OR51B5: variants seen among roughly 807,000 people sequenced by gnomAD.
The protein encoded by OR51B5 is olfactory receptor family 51 subfamily B member 5, also known as olfactory receptor 51B5.
For synonymous variants in OR51B5, 186 were observed against 144.8 expected (o/e 1.28, Z -2.04); for missense variants, 456 against 374.6 (o/e 1.22, Z -1.79).
At chr11:5,404,482 C>T (rs547555945) in intron 1 of OR51B5, among the ~76,000 whole-genome samples, 303 of 152,216 alleles carry the variant, frequency 2.0e-3, no homozygotes, top group Non-Finnish European at 3.0e-3. Flanking sequence ...AAAATCCCAC[C>T]GATCAGCACT....
chr11:5,357,168 G>T (rs749185397), intron 1 of OR51B5, among the ~76,000 whole-genome samples: 1 of 152,044 alleles, frequency 6.6e-6, no homozygotes, highest in Non-Finnish European at 1.5e-5. Flanking sequence ...CCAGTAAAAA[G>T]ACACAGACGG....
chr11:5,448,161 T>A (rs1590001134), intron 1 of OR51B5, among the ~76,000 whole-genome samples: 1 of 152,224 alleles, frequency 6.6e-6, no homozygotes, highest in East Asian at 1.9e-4. Flanking sequence ...CGCCAATATT[T>A]GGTTAACAAT....
chr11:5,430,731 G>A (rs1274674643), intron 1 of OR51B5: 1 of 456,918 alleles, frequency 2.2e-6, no homozygotes, highest in African/African-American at 2.0e-5. Context: ...TATAGATGAT[G>A]GGATTAAGTA....
At chr11:5,505,299 T>G (rs901683999) in intron 1 of OR51B5, 203 of 1,297,510 alleles carry the variant, frequency 1.6e-4, no homozygotes, top group Non-Finnish European at 2.0e-4. Flanking sequence ...GGATGGAAAT[T>G]TGGGGTTCAA....
At chr11:5,390,381 T>G in intron 1 of OR51B5, 1 of 1,583,208 alleles carries the variant, frequency 6.3e-7, no homozygotes, top group Non-Finnish European at 8.6e-7. Context: ...AGTAAATGAG[T>G]CCTGGGGCTA....
At chr11:5,344,379 C>A (rs776599714), upstream of OR51B5, among the ~76,000 whole-genome samples, 1 of 138,604 alleles carries the variant, frequency 7.2e-6, no homozygotes, top group East Asian at 2.0e-4. Flanking sequence ...TGAAGTAATT[C>A]CCTAGAATCT....
intron 1 of OR51B5, among the ~76,000 whole-genome samples, chr11:5,501,152 C>T (rs1382990799): frequency 6.8e-6 from 1 of 147,638 alleles, no homozygotes; most frequent in African/African-American, 2.4e-5. Flanking sequence ...TATGGGGCAC[C>T]AGGACTTAAC....
chr11:5,429,607 A>G (rs866521660), intron 1 of OR51B5, among the ~76,000 whole-genome samples: 8 of 152,132 alleles, frequency 5.3e-5, no homozygotes, highest in Non-Finnish European at 1.2e-4. Context: ...GGTTTGCAGG[A>G]AGCCTAGGCA....
At chr11:5,366,147 A>G (rs958495566) in intron 1 of OR51B5, among the ~76,000 whole-genome samples, 25 of 152,190 alleles carry the variant, frequency 1.6e-4, no homozygotes, top group African/African-American at 6.0e-4. Context: ...GCAAAATAAG[A>G]AACAGTATGT....
intron 1 of OR51B5, among the ~76,000 whole-genome samples, chr11:5,487,553 C>A (rs1432528130): frequency 2.0e-5 from 3 of 152,128 alleles, no homozygotes; most frequent in Admixed American, 6.5e-5. Context: ...AATAATGTTA[C>A]AGAATCGGGG....
intron 1 of OR51B5, among the ~76,000 whole-genome samples, chr11:5,457,110 T>C (rs1248704368): frequency 6.6e-6 from 1 of 152,164 alleles, no homozygotes; most frequent in Non-Finnish European, 1.5e-5. Flanking sequence ...CCAAAGGTAG[T>C]TTTTTGAACC....
At chr11:5,437,703 T>C (rs2133773115) in intron 1 of OR51B5, among the ~76,000 whole-genome samples, 1 of 152,350 alleles carries the variant, frequency 6.6e-6, no homozygotes, top group Non-Finnish European at 1.5e-5. Flanking sequence ...TTTGTTTCTT[T>C]TTATTGAATT....
chr11:5,352,603 T>A (rs1301336511), intron 1 of OR51B5, among the ~76,000 whole-genome samples: 4 of 152,074 alleles, frequency 2.6e-5, no homozygotes, highest in African/African-American at 9.7e-5. Flanking sequence ...CTTAGAACAT[T>A]ATTTTACCCT....
intron 1 of OR51B5, among the ~76,000 whole-genome samples, chr11:5,363,233 C>CACACA (rs1564921897): frequency 4.8e-5 from 4 of 82,614 alleles, no homozygotes; most frequent in African/African-American, 2.1e-4. Context: ...ACGAACCCAA[C>CACACA]CCCTCACACA....
chr11:5,400,905 T>A lies in OR51B5; in HGVS notation n.85-53995A>T, dbSNP rs1289951077. Among the ~76,000 whole-genome samples, 4 of 152,202 alleles carry A rather than the reference T, an allele frequency of 2.6e-5. No individual in the cohort carries two copies. The East Asian group carries it at 5.8e-4, about 22-fold the overall frequency. ...ATGCGTAAGTTCAGCAGTGGCTGAA[T>A]GGAAAGTTCATACAAGAATCAGATT... On this transcript the variant is annotated intron_variant and non_coding_transcript_variant, in intron 1 of 4. Transcript: ENST00000415970.
At chr11:5,359,455 C>G (rs1458821617) in intron 1 of OR51B5, among the ~76,000 whole-genome samples, 2 of 125,414 alleles carry the variant, frequency 1.6e-5, no homozygotes, top group African/African-American at 5.9e-5. Flanking sequence ...AGGACCTCTT[C>G]AAGGAGAACT....
chr11:5,388,402 A>C, intron 1 of OR51B5, among the ~76,000 whole-genome samples: 1 of 151,712 alleles, frequency 6.6e-6, no homozygotes, highest in African/African-American at 2.4e-5. Context: ...GGGGAATTTA[A>C]GAAGGCCTTC....
At chr11:5,499,466 A>T (rs1851690324) in intron 1 of OR51B5, among the ~76,000 whole-genome samples, 1 of 152,206 alleles carries the variant, frequency 6.6e-6, no homozygotes, top group South Asian at 2.1e-4. Context: ...ACTGGGTTAG[A>T]CAAATAATCC....
intron 1 of OR51B5, among the ~76,000 whole-genome samples, chr11:5,368,372 C>T (rs1280061961): frequency 6.6e-6 from 1 of 152,126 alleles, no homozygotes; most frequent in Non-Finnish European, 1.5e-5. Flanking sequence ...ATAGTACCCA[C>T]ATGGTTGAAT....
Sources: gnomAD v4.1 joint callset for allele counts (sites outside exome capture counted in the v4.1 genomes callset) on GRCh38, gnomAD v4.1.1 for gene constraint, MANE v1.5 for transcripts, NCBI Gene and HGNC (gene_info 2026-07-23, HGNC 2026-07-21) for gene names.